The following OGFOD1 variants were observed in gnomAD, a reference collection of about 807,000 sequenced individuals.
OGFOD1 encodes the protein 2-oxoglutarate and iron dependent oxygenase domain containing 1, also known as prolyl 3-hydroxylase OGFOD1.
In OGFOD1, 54 loss-of-function variants were observed where a neutral mutation model predicts 67.7. The ratio of observed to expected loss-of-function variants is 0.80; its 90% CI spans 0.64 to 1.00. The LOEUF is 1.00. OGFOD1 is among the 50% of genes least tolerant of loss of function. The pLI is 0.00. For synonymous variants in OGFOD1, 221 were observed against 227.0 expected (o/e 0.97, Z 0.24); for missense variants, 606 against 646.7 (o/e 0.94, Z 0.68).
chr16:56,467,550 C>A (rs372493900), intron 7 of OGFOD1, among the ~76,000 whole-genome samples: 8 of 152,000 alleles, frequency 5.3e-5, no homozygotes, highest in Middle Eastern at 3.4e-3. Context: ...CCTCAACCTC[C>A]TGAGTAGCTG....
chr16:56,457,761 A>G lies in OGFOD1; in HGVS notation c.301-787A>G, dbSNP rs188827364. On this transcript the variant is annotated intron_variant, in intron 2 of 12. Transcript: ENST00000566157. Reference sequence around the variant, plus strand: ...AATGGCGAGATCTCAGCTCACTGCAACCTCCGCCTCCAGGTTAAAATGATT... The same window carrying G: ...AATGGCGAGATCTCAGCTCACTGCAGCCTCCGCCTCCAGGTTAAAATGATT... Among the ~76,000 whole-genome samples, 193 of 151,866 alleles carry G rather than the reference A, an allele frequency of 1.3e-3. 2 individuals are homozygous for G. Among genetic ancestry groups the G allele is most frequent in the Admixed American group, 0.013 (192 of 15,256 alleles).
At chr16:56,471,080 G>A (rs753817856) in intron 10 of OGFOD1, among the ~76,000 whole-genome samples, 27 of 152,096 alleles carry the variant, frequency 1.8e-4, no homozygotes, top group Non-Finnish European at 3.2e-4. Context: ...GGCCAGGTGC[G>A]GTGGCTTACA....
chr16:56,453,507 C>A, intron 2 of OGFOD1, 99 bp downstream of exon 2: 1 of 1,205,742 alleles, frequency 8.3e-7, no homozygotes, highest in Admixed American at 2.4e-5. Context: ...GGTGGGTTTG[C>A]CTTGAACAGT....
chr16:56,458,300 A>G (rs1204678572), intron 2 of OGFOD1: 6 of 480,270 alleles, frequency 1.2e-5, no homozygotes, highest in Admixed American at 3.5e-5. Context: ...ATCTCCCTCA[A>G]TGGGCATAGA....
chr16:56,469,806 C>T (rs1426239803), intron 8 of OGFOD1, among the ~76,000 whole-genome samples, 197 bp from the exon 9 acceptor site: 5 of 143,620 alleles, frequency 3.5e-5, no homozygotes, highest in Non-Finnish European at 6.0e-5. Context: ...GCCGAGATCA[C>T]GCCATTGTAC....
intron 5 of OGFOD1, 97 bp from the exon 6 acceptor site, chr16:56,466,779 C>A: frequency 1.2e-6 from 1 of 866,024 alleles, no homozygotes; most frequent in Non-Finnish European, 1.9e-6. Context: ...AAGGGCACAT[C>A]TAGATGCCCT....
intron 2 of OGFOD1, among the ~76,000 whole-genome samples, chr16:56,456,042 G>A (rs1349981831): frequency 2.0e-5 from 3 of 152,084 alleles, no homozygotes; most frequent in African/African-American, 7.2e-5. Flanking sequence ...TTTTAATCAG[G>A]CTTTCGCTTG....
rs1567544159 is a variant in OGFOD1, at chr16:56,454,656, A to AGG, written c.300+1248_300+1249insGG. The AGG allele has an allele frequency of 6.0e-4, 205 of 341,660 alleles. 2 individuals carry two copies. The highest frequency in any genetic ancestry group is 4.2e-3 in the African/African-American group (185 of 44,486). The allele number at this position is 341,660 out of a possible 1,614,324, so 21.2% of individuals were successfully genotyped here. A position where few individuals can be genotyped will look rare whatever the true frequency, so the allele number is the denominator to read the frequency against. On this transcript the variant is annotated intron_variant, in intron 2 of 12. Transcript: ENST00000566157. Reference sequence around the variant, plus strand: ...TCTGTGCTTCAAATTGGGGGGGGAAAAAAAAAAGAAAGATTAAAAAGATGA... The same window carrying AGG: ...TCTGTGCTTCAAATTGGGGGGGGAAAGGAAAAAAAGAAAGATTAAAAAGATGA...
chr16:56,452,896 C>T (rs1341524449), intron 1 of OGFOD1, among the ~76,000 whole-genome samples: 2 of 151,966 alleles, frequency 1.3e-5, no homozygotes, highest in South Asian at 2.1e-4. Context: ...AACTGCCGAC[C>T]AGTATTGCTA....
rs138731353 is a variant in OGFOD1 at position 56,467,908 on chromosome 16, G to A, written c.790G>A (p.Glu264Lys). 1.4e-4 allele frequency: 222 copies of A among 1,536,334 alleles called. No individual in the cohort carries two copies. In the African/African-American group the frequency reaches 2.7e-3, roughly 19 times the overall value. Residue 264 changes from glutamate to lysine, a missense_variant, in exon 8 of 13, where the codon GAG becomes AAG. Coordinates refer to ENST00000566157, the MANE Select transcript of OGFOD1 (RefSeq NM_018233.4). ...GCATCTGCTGCCTCTTCGTAAGCATGAGATTTTGTATGATTGGATCAACCC... is the reference window on the plus strand; with the variant it reads ...GCATCTGCTGCCTCTTCGTAAGCATAAGATTTTGTATGATTGGATCAACCC... The part of the protein sequence containing the change: ...PRSPHIPQDH[E>K]ILYDWINPTY...
chr16:56,458,460 T>A (rs1596968265), intron 2 of OGFOD1, 88 bp from the exon 3 acceptor site: 1 of 1,188,078 alleles, frequency 8.4e-7, no homozygotes, highest in East Asian at 2.3e-5. Flanking sequence ...ATGACAATGC[T>A]AGGACCAGAA....
intron 7 of OGFOD1, among the ~76,000 whole-genome samples, 166 bp downstream of exon 7, chr16:56,467,459 C>G (rs2144017301): frequency 7.0e-6 from 1 of 143,364 alleles, no homozygotes; most frequent in Non-Finnish European, 1.5e-5. Context: ...CAGAGTCTTG[C>G]TCCGTCACCC....
chr16:56,467,164 G>A lies in OGFOD1; in HGVS notation c.658-1G>A. 1.9e-6 allele frequency: 3 copies of A among 1,614,072 alleles called. No homozygotes were observed. The highest frequency in any genetic ancestry group is 2.5e-6 in the Non-Finnish European group (3 of 1,180,000). ...ATGTGCTACTGGGCTTCTCCTTTCA[G>A]GTGTCTGAAGTGCTGTCTGAAGAAA... On this transcript the variant is annotated splice_acceptor_variant, in intron 6 of 12. Coordinates refer to ENST00000566157, the MANE Select transcript of OGFOD1 (RefSeq NM_018233.4). LOFTEE classifies it high-confidence loss of function.
In OGFOD1 at chr16:56,474,846, GC is replaced by G. The variant is rs1963382519; in HGVS notation, c.1306del (p.Gln436LysfsTer4). 6.2e-7 allele frequency: 1 copy of G among 1,610,458 alleles called. No individual in the cohort carries two copies. Among genetic ancestry groups the G allele is most frequent in the African/African-American group, 1.3e-5 (1 of 74,402 alleles). ...TCCTTAGAATCAAGTGTTCCCATGT[GC>G]CAAGGGGAACTGAGGCATTGGAAGA... ...ETKKESSVPMCQGELRHWKTG... is the reference protein window; with the variant it reads ...ETKKESSVPMXQGELRHWKTG... On this transcript the variant is annotated frameshift_variant, in exon 11 of 13. Coordinates refer to ENST00000566157, the MANE Select transcript of OGFOD1 (RefSeq NM_018233.4). LOFTEE classifies it high-confidence loss of function.
chr16:56,474,464 G>T (rs1172562277), intron 10 of OGFOD1, among the ~76,000 whole-genome samples: 2 of 151,828 alleles, frequency 1.3e-5, no homozygotes, highest in Non-Finnish European at 2.9e-5. Context: ...TGGATTACAG[G>T]CATGCACTAC....
intron 2 of OGFOD1, among the ~76,000 whole-genome samples, chr16:56,455,839 G>A (rs1473198841): frequency 6.6e-6 from 1 of 151,578 alleles, no homozygotes; most frequent in African/African-American, 2.4e-5. Flanking sequence ...CTTTCTCTCT[G>A]GATCATTCCC....
intron 10 of OGFOD1, among the ~76,000 whole-genome samples, chr16:56,473,862 A>G (rs1158826176): frequency 6.6e-6 from 1 of 151,864 alleles, no homozygotes; most frequent in Non-Finnish European, 1.5e-5. Flanking sequence ...GCTGGAGTAC[A>G]GTGGTGTGAT....
Position 56,476,391 on chromosome 16 carries a change from C to A in OGFOD1, c.*186C>A. The A allele has an allele frequency of 7.9e-6, 3 of 378,732 alleles. No individual in the cohort carries two copies. The highest frequency in any genetic ancestry group is 4.0e-5 in the East Asian group (1 of 25,230). The allele number at this position is 378,732 out of a possible 1,614,324, so 23.5% of individuals were successfully genotyped here. A position where few individuals can be genotyped will look rare whatever the true frequency, so the allele number is the denominator to read the frequency against. Reference sequence around the variant, plus strand: ...GAGACCTTGAGCTTGCAGCTAAGTACTTATCTCTTGATTAAAAAAAAAAAG... The same window carrying A: ...GAGACCTTGAGCTTGCAGCTAAGTAATTATCTCTTGATTAAAAAAAAAAAG... On this transcript the variant is annotated 3_prime_UTR_variant, in exon 13 of 13. Coordinates refer to ENST00000566157, the MANE Select transcript of OGFOD1 (RefSeq NM_018233.4).
At chr16:56,463,714 G>A (rs12917832) in intron 4 of OGFOD1, among the ~76,000 whole-genome samples, 151,432 of 151,454 alleles carry the variant, frequency 1, 75,705 homozygotes, top group Middle Eastern at 1. Flanking sequence ...GAGCTACCAT[G>A]CCAGTATTTT....
Sources: allele counts gnomAD v4.1 joint callset (sites outside exome capture counted in the v4.1 genomes callset), GRCh38; gene constraint gnomAD v4.1.1; transcripts MANE v1.5; gene names NCBI Gene and HGNC (gene_info 2026-07-23, HGNC 2026-07-21).